The following DRC10 variants were observed in gnomAD, a reference collection of about 807,000 sequenced individuals.
DRC10 encodes IQ domain-containing protein D.
At chr12:113,219,477 T>C in the DRC10 span, among the ~76,000 whole-genome samples, 1 of 152,252 alleles carries the variant, frequency 6.6e-6, no homozygotes, top group Admixed American at 6.5e-5. Context: ...GTCTTTTTGA[T>C]TTTTAAATGT....
At chr12:113,213,986 A>G in the DRC10 span, among the ~76,000 whole-genome samples, 505 of 152,212 alleles carry the variant, frequency 3.3e-3, 5 homozygotes, top group African/African-American at 0.01. Flanking sequence ...AGGTCTTGCT[A>G]TGTTGCCCAG....
the DRC10 span, chr12:113,200,685 T>C: frequency 2.6e-6 from 4 of 1,536,206 alleles, no homozygotes; most frequent in Non-Finnish European, 3.5e-6. Context: ...TGGCCTGTGA[T>C]GCCCGGAAAT....
the DRC10 span, among the ~76,000 whole-genome samples, chr12:113,196,569 C>G: frequency 1.3e-5 from 2 of 152,222 alleles, no homozygotes; most frequent in African/African-American, 4.8e-5. Context: ...TCATGGGACC[C>G]AGAGAAATGA....
chr12:113,200,632 T>G, the DRC10 span: 2 of 1,521,440 alleles, frequency 1.3e-6, no homozygotes, highest in Non-Finnish European at 1.8e-6. Flanking sequence ...GTTGTAAAAC[T>G]GTGACTGCAG....
the DRC10 span, chr12:113,200,590 G>A: frequency 6.6e-6 from 10 of 1,518,096 alleles, no homozygotes; most frequent in Admixed American, 2.0e-5. Context: ...CTTCCTCAGC[G>A]CCTGCTCTGC....
chr12:113,205,757 C>T, the DRC10 span, among the ~76,000 whole-genome samples: 12 of 149,814 alleles, frequency 8.0e-5, no homozygotes, highest in East Asian at 2.0e-4. Flanking sequence ...GGCGCGGTGG[C>T]GGGCGCCTGT....
At chr12:113,207,638 T>A in the DRC10 span, 12 of 1,614,162 alleles carry the variant, frequency 7.4e-6, no homozygotes, top group Admixed American at 2.0e-4. Context: ...GCTTCTGCAC[T>A]TCTACCCTGT....
At chr12:113,203,083 TGGTGCGATCTCA>T in the DRC10 span, 1 of 451,280 alleles carries the variant, frequency 2.2e-6, no homozygotes, top group Non-Finnish European at 4.4e-6. Flanking sequence ...TGGAGTACAG[TGGTGCGATCTCA>T]GCTCCCTGCA....
the DRC10 span, chr12:113,202,999 T>C: frequency 8.9e-6 from 4 of 451,248 alleles, no homozygotes; most frequent in African/African-American, 8.0e-5. Context: ...AATATGACAA[T>C]TATTATTAGG....
chr12:113,210,077 A>G, the DRC10 span, among the ~76,000 whole-genome samples: 2 of 152,262 alleles, frequency 1.3e-5, no homozygotes, highest in East Asian at 3.8e-4. Flanking sequence ...CGGAGGTTGC[A>G]GTAAGCCAAG....
the DRC10 span, chr12:113,195,949 C>T: frequency 2.0e-6 from 3 of 1,533,284 alleles, no homozygotes; most frequent in Non-Finnish European, 1.8e-6. Context: ...CACCCTCCTC[C>T]CTGAGGCCCC....
At chr12:113,207,460 C>A in the DRC10 span, 1 of 1,612,944 alleles carries the variant, frequency 6.2e-7, no homozygotes, top group Non-Finnish European at 8.5e-7. Flanking sequence ...GTTCTTCATT[C>A]TCTCCGCCAA....
At chr12:113,217,324 AT>A in the DRC10 span, among the ~76,000 whole-genome samples, 10,127 of 146,704 alleles carry the variant, frequency 0.069, 398 homozygotes, top group Middle Eastern at 0.08. Flanking sequence ...CACACGTGTA[AT>A]TTTTTTTTTT....
the DRC10 span, among the ~76,000 whole-genome samples, chr12:113,197,942 C>T: frequency 5.9e-5 from 9 of 152,280 alleles, no homozygotes; most frequent in South Asian, 2.1e-4. Context: ...ATCAGCCTGG[C>T]GTGGTGGCTT....
At chr12:113,198,898 C>T in the DRC10 span, among the ~76,000 whole-genome samples, 1 of 151,964 alleles carries the variant, frequency 6.6e-6, no homozygotes, top group African/African-American at 2.4e-5. Context: ...CTAGATCAGC[C>T]TGGGCAACAG....
the DRC10 span, chr12:113,207,988 A>T: frequency 6.2e-7 from 1 of 1,614,184 alleles, no homozygotes; most frequent in Non-Finnish European, 8.5e-7. Flanking sequence ...CACCTTGTAG[A>T]TCGCCTCATC....
chr12:113,207,467 C>G, the DRC10 span: 5 of 1,613,618 alleles, frequency 3.1e-6, no homozygotes, highest in East Asian at 1.1e-4. Context: ...ATTCTCTCCG[C>G]CAATTCCTTT....
At chr12:113,200,178 G>C in the DRC10 span, 2 of 352,440 alleles carry the variant, frequency 5.7e-6, no homozygotes, top group African/African-American at 4.3e-5. Context: ...TCGGCAGCTG[G>C]GCAGGAGTTG....
At chr12:113,213,198 A>C in the DRC10 span, among the ~76,000 whole-genome samples, 10,147 of 148,868 alleles carry the variant, frequency 0.068, 313 homozygotes, top group African/African-American at 0.07. Context: ...AAAAAAAAAA[A>C]AAAAAACCAA....
Sources: gnomAD v4.1 joint callset for allele counts (sites outside exome capture counted in the v4.1 genomes callset) on GRCh38, gnomAD v4.1.1 for gene constraint, MANE v1.5 for transcripts, NCBI Gene and HGNC (gene_info 2026-07-23, HGNC 2026-07-21) for gene names.